SENP6: variants seen among roughly 807,000 people sequenced by gnomAD.
The protein encoded by SENP6 is SUMO specific peptidase 6, also known as sentrin-specific protease 6.
A neutral mutation model predicts 134.5 loss-of-function variants in SENP6; 41 were observed. The ratio of observed to expected loss-of-function variants is 0.30; its 90% confidence interval spans 0.24 to 0.40. The LOEUF (loss-of-function observed/expected upper bound fraction) is 0.40, where lower values mean the gene tolerates loss of function less well. Ranked by LOEUF, SENP6 falls within the 10% of genes least tolerant of loss-of-function variation. SENP6 has a pLI of 1.00. For synonymous variants in SENP6, 395 were observed against 429.8 expected (o/e 0.92, Z 1.00); for missense variants, 1,248 against 1,312.5 (o/e 0.95, Z 0.76).
At chr6:75,676,453 C>G (rs2149878357) in intron 13 of SENP6, among the ~76,000 whole-genome samples, 1 of 152,228 alleles carries the variant, frequency 6.6e-6, no homozygotes, top group South Asian at 2.1e-4. Flanking sequence ...TAAAATGGGC[C>G]TTAAGTCTTT....
chr6:75,615,614 T>C (rs1767793986), intron 1 of SENP6, among the ~76,000 whole-genome samples: 1 of 152,240 alleles, frequency 6.6e-6, no homozygotes, highest in South Asian at 2.1e-4. Flanking sequence ...TTTGATTTGC[T>C]AAGATTTTGT....
chr6:75,608,088 T>G (rs932782990), intron 1 of SENP6, among the ~76,000 whole-genome samples: 49 of 152,348 alleles, frequency 3.2e-4, no homozygotes, highest in Middle Eastern at 3.4e-3. Flanking sequence ...TTCATCCCAG[T>G]TAAAGTGATA....
chr6:75,617,574 G>A (rs796426629), intron 1 of SENP6, among the ~76,000 whole-genome samples: 37 of 152,106 alleles, frequency 2.4e-4, no homozygotes, highest in African/African-American at 8.7e-4. Context: ...CACTGTGCCC[G>A]GCCGGTTTAG....
chr6:75,663,832 G>GGT (rs1771975311), intron 9 of SENP6, among the ~76,000 whole-genome samples: 3 of 128,868 alleles, frequency 2.3e-5, no homozygotes, highest in African/African-American at 8.9e-5. Context: ...GGGGGGGGGG[G>GGT]TGCCTAAAAT....
chr6:75,715,634 A>T lies in SENP6; in HGVS notation c.*40A>T, dbSNP rs1355240484. 2.6e-6 allele frequency: 4 copies of T among 1,516,204 alleles called. No homozygotes were observed. The South Asian group carries it at 4.7e-5, about 18-fold the overall frequency. 93.9% of individuals were successfully genotyped at this position (1,516,204 alleles called of 1,614,324 possible). ...TGTCATTTCTACTTTCAGAAACTAA[A>T]TGACTTTCAAATTTGGGTATAGACA... On this transcript the variant is annotated 3_prime_UTR_variant, in exon 24 of 24. Coordinates refer to ENST00000447266, the MANE Select transcript of SENP6 (RefSeq NM_015571.4).
At chr6:75,626,502 T>G (rs969587107) in intron 3 of SENP6, among the ~76,000 whole-genome samples, 3 of 152,138 alleles carry the variant, frequency 2.0e-5, no homozygotes, top group Admixed American at 6.5e-5. Context: ...AGTACTTCAT[T>G]GGATGGATAT....
At chr6:75,688,712 G>C (rs1562052281) in intron 16 of SENP6, among the ~76,000 whole-genome samples, 1 of 152,164 alleles carries the variant, frequency 6.6e-6, no homozygotes, top group Non-Finnish European at 1.5e-5. Context: ...TTGAAGCCAA[G>C]AGTTGGAGAC....
chr6:75,709,715 G>A, intron 20 of SENP6, 85 bp downstream of exon 20: 1 of 887,410 alleles, frequency 1.1e-6, no homozygotes, highest in Middle Eastern at 2.2e-4. Context: ...CACACCTGTA[G>A]TCCCAGTGAC....
intron 6 of SENP6, among the ~76,000 whole-genome samples, chr6:75,642,145 G>A (rs945846002): frequency 3.9e-5 from 6 of 152,114 alleles, no homozygotes; most frequent in Non-Finnish European, 8.8e-5. Context: ...TTAGGCATAC[G>A]CTTTTATTCA....
chr6:75,644,649 T>C (rs1327686459), intron 6 of SENP6, among the ~76,000 whole-genome samples: 2 of 152,146 alleles, frequency 1.3e-5, no homozygotes, highest in African/African-American at 4.8e-5. Flanking sequence ...CATGCCTGGC[T>C]GATTTTTGTA....
chr6:75,602,639 A>C, intron 1 of SENP6, 63 bp downstream of exon 1: 3 of 1,489,314 alleles, frequency 2.0e-6, no homozygotes, highest in African/African-American at 1.4e-5. Flanking sequence ...TGGCCCCCAG[A>C]ACCCCGGATA....
rs970114130 is a variant in SENP6 at position 75,602,180 on chromosome 6, A to C, written c.-345A>C. 8.3e-6 allele frequency: 2 copies of C among 240,800 alleles called. No homozygotes were observed. Among genetic ancestry groups the C allele is most frequent in the East Asian group, 8.1e-5 (1 of 12,400 alleles). 14.9% of individuals were successfully genotyped at this position (240,800 alleles called of 1,614,324 possible). ...TTCTTGGGAACCCACGGCTGGGGGA[A>C]GTTTCTCAGGCAGCCTGGGTGGGCG... On this transcript the variant is annotated 5_prime_UTR_variant, in exon 1 of 24. Coordinates refer to ENST00000447266, the MANE Select transcript of SENP6 (RefSeq NM_015571.4).
rs553232801 is a variant in SENP6 at position 75,628,664 on chromosome 6, C to A, written c.207+4704C>A. Among the ~76,000 whole-genome samples, 3 of 152,178 alleles carry A rather than the reference C, an allele frequency of 2.0e-5. No homozygotes were observed. The East Asian group carries it at 5.8e-4, about 29-fold the overall frequency. On this transcript the variant is annotated intron_variant, in intron 3 of 23. Coordinates refer to ENST00000447266, the MANE Select transcript of SENP6 (RefSeq NM_015571.4). ...TTGTTAGATACCAGTGCTGACAAAT[C>A]CTGGTTACATTCTAAATAGATAAAT...
At chr6:75,616,364 T>C (rs750684506) in intron 1 of SENP6, among the ~76,000 whole-genome samples, 1 of 152,220 alleles carries the variant, frequency 6.6e-6, no homozygotes, top group Non-Finnish European at 1.5e-5. Flanking sequence ...CTCTTTTCTT[T>C]TTATAATTTA....
intron 1 of SENP6, among the ~76,000 whole-genome samples, chr6:75,605,055 G>A (rs1211217651): frequency 6.6e-6 from 1 of 152,182 alleles, no homozygotes; most frequent in Non-Finnish European, 1.5e-5. Context: ...GCCTGGGCGA[G>A]GAGCGAAACT....
At chr6:75,639,264 G>A (rs1769844534) in intron 5 of SENP6, among the ~76,000 whole-genome samples, 1 of 152,078 alleles carries the variant, frequency 6.6e-6, no homozygotes, top group African/African-American at 2.4e-5. Context: ...CTTTAATAGG[G>A]ATGTGATTAT....
At chr6:75,619,108 T>G (rs1175839210) in intron 1 of SENP6, among the ~76,000 whole-genome samples, 1 of 152,110 alleles carries the variant, frequency 6.6e-6, no homozygotes, top group African/African-American at 2.4e-5. Context: ...TAAGTGTATA[T>G]TTATGCAGTT....
At chr6:75,662,948 C>T (rs1310979206) in intron 8 of SENP6, among the ~76,000 whole-genome samples, 1 of 152,136 alleles carries the variant, frequency 6.6e-6, no homozygotes, top group Non-Finnish European at 1.5e-5. Flanking sequence ...ACTAGATAGT[C>T]TTGAAAATTT....
At position 75,634,719 on chromosome 6, in the gene SENP6, A is replaced by C. The variant is rs1272587245; in HGVS notation, c.366A>C (p.Gln122His). The C allele has an allele frequency of 3.8e-6, 6 of 1,575,290 alleles. No homozygotes were observed. Among genetic ancestry groups the C allele is most frequent in the Non-Finnish European group, 4.3e-6 (5 of 1,168,240 alleles). ...SNNKKLSENT[Q>H]NTSLCSGTVV... ...CTTGAATCTGCAGTGAAAATACGCA[A>C]AATACGTCATTATGTTCTGGAACTG... The change falls in exon 5 of 24, where the codon CAA becomes CAC. Residue 122 changes from glutamine (Q) to histidine (H), a missense_variant. Transcript: ENST00000447266.
Sources: gnomAD v4.1 joint callset for allele counts (sites outside exome capture counted in the v4.1 genomes callset) on GRCh38, gnomAD v4.1.1 for gene constraint, MANE v1.5 for transcripts, NCBI Gene and HGNC (gene_info 2026-07-23, HGNC 2026-07-21) for gene names.